ARMH3: variants seen among roughly 807,000 people sequenced by gnomAD.
ARMH3 encodes armadillo like helical domain containing 3.
A neutral mutation model predicts 99.1 loss-of-function variants in ARMH3; 60 were observed. The observed-to-expected ratio is 0.61, with a 90% CI of 0.49 to 0.75. ARMH3 has a LOEUF of 0.75. ARMH3 is among the 30% of genes least tolerant of loss of function. The pLI is 0.00. For missense variants in ARMH3, 679 were observed against 843.1 expected, an observed-to-expected ratio of 0.81 and a Z score of 2.41; for synonymous variants, 285 against 292.8, an observed-to-expected ratio of 0.97 and a Z score of 0.27.
At chr10:102,024,794 G>C (rs1399372085) in intron 6 of ARMH3, among the ~76,000 whole-genome samples, 3 of 151,574 alleles carry the variant, frequency 2.0e-5, no homozygotes, top group Non-Finnish European at 2.9e-5. Flanking sequence ...ACTCCAGCCT[G>C]GGCGACGGAG....
At chr10:101,939,744 A>C in intron 23 of ARMH3, 119 bp downstream of exon 23, 1 of 721,078 alleles carries the variant, frequency 1.4e-6, no homozygotes, top group Non-Finnish European at 2.2e-6. Context: ...TTTTTCTTCC[A>C]CTCCTACAGA....
At chr10:101,973,069 A>G (rs1246438799) in intron 20 of ARMH3, among the ~76,000 whole-genome samples, 2 of 152,230 alleles carry the variant, frequency 1.3e-5, no homozygotes, top group Non-Finnish European at 2.9e-5. Flanking sequence ...TCTCTTTCAA[A>G]GATAATCGCA....
chr10:101,868,510 T>C (rs2135352563), intron 24 of ARMH3, among the ~76,000 whole-genome samples: 1 of 152,218 alleles, frequency 6.6e-6, no homozygotes. Flanking sequence ...TGCCTCCCCT[T>C]TCCACCTCCT....
At chr10:101,971,745 AAAG>A (rs974346176) in intron 20 of ARMH3, among the ~76,000 whole-genome samples, 9 of 152,196 alleles carry the variant, frequency 5.9e-5, no homozygotes, top group African/African-American at 2.2e-4. Flanking sequence ...TTCTGAATAC[AAAG>A]ATGACTGTAG....
At chr10:102,042,418 T>C (rs1052664230) in intron 1 of ARMH3, among the ~76,000 whole-genome samples, 1 of 152,246 alleles carries the variant, frequency 6.6e-6, no homozygotes, top group Non-Finnish European at 1.5e-5. Flanking sequence ...TCACTTTCTC[T>C]ATTTCAGAAT....
intron 24 of ARMH3, among the ~76,000 whole-genome samples, chr10:101,865,731 C>T (rs1402364921): frequency 1.3e-5 from 2 of 150,994 alleles, no homozygotes; most frequent in Non-Finnish European, 2.9e-5. Flanking sequence ...TCAGATGATC[C>T]GCCCACCTCG....
intron 22 of ARMH3, among the ~76,000 whole-genome samples, chr10:101,945,510 G>A (rs981413416): frequency 6.6e-6 from 1 of 152,152 alleles, no homozygotes; most frequent in Non-Finnish European, 1.5e-5. Context: ...CTAAGGTCAG[G>A]AGTTCGAGAC....
chr10:101,930,415 G>A lies in ARMH3; in HGVS notation c.1781+9448C>T, dbSNP rs530376678. On this transcript the variant is annotated intron_variant, in intron 23 of 25. Coordinates refer to ENST00000370033, the MANE Select transcript of ARMH3 (RefSeq NM_024541.3). ...TTATTAGGTTGGTGCAAAAGTAATA[G>A]CAGTTTTGCCATTACTTTTGCACCA... Among the ~76,000 whole-genome samples, 3 of 151,708 alleles carry A rather than the reference G, an allele frequency of 2.0e-5. No individual in the cohort carries two copies. In the East Asian group the frequency reaches 5.8e-4, roughly 30 times the overall value.
chr10:102,039,979 C>T, intron 2 of ARMH3, 34 bp downstream of exon 2: 1 of 1,567,626 alleles, frequency 6.4e-7, no homozygotes, highest in African/African-American at 1.4e-5. Context: ...AAACTAAAGA[C>T]TCAAGCTGTA....
At chr10:101,997,390 G>A (rs1176406336) in intron 15 of ARMH3, among the ~76,000 whole-genome samples, 5 of 152,144 alleles carry the variant, frequency 3.3e-5, no homozygotes, top group Non-Finnish European at 5.9e-5. Flanking sequence ...TCAGGAGATC[G>A]AGACCATCCT....
intron 1 of ARMH3, among the ~76,000 whole-genome samples, chr10:102,043,786 T>C (rs756859280): frequency 2.0e-5 from 3 of 152,230 alleles, no homozygotes; most frequent in African/African-American, 7.2e-5. Flanking sequence ...TTTCACCTAC[T>C]ATCAAACTTA....
intron 23 of ARMH3, among the ~76,000 whole-genome samples, chr10:101,938,322 T>A (rs1051826025): frequency 3.3e-5 from 5 of 152,122 alleles, no homozygotes; most frequent in African/African-American, 1.2e-4. Context: ...AAGAAAGAAG[T>A]TACATGGTAA....
chr10:101,890,346 C>G (rs894406031), intron 23 of ARMH3, among the ~76,000 whole-genome samples: 1 of 152,028 alleles, frequency 6.6e-6, no homozygotes, highest in African/African-American at 2.4e-5. Flanking sequence ...CAGGCTCAAG[C>G]GATCCTCCCA....
chr10:101,903,018 T>C (rs2068018736), intron 23 of ARMH3, among the ~76,000 whole-genome samples: 2 of 152,180 alleles, frequency 1.3e-5, no homozygotes, highest in African/African-American at 4.8e-5. Flanking sequence ...AAGAGGTTAT[T>C]AGCTGCCATC....
intron 21 of ARMH3, 48 bp from the exon 22 acceptor site, chr10:101,956,771 T>C (rs1355181976): frequency 7.5e-6 from 12 of 1,590,968 alleles, no homozygotes; most frequent in Non-Finnish European, 1.0e-5. Flanking sequence ...CTATGAAGAC[T>C]AAAAATTATC....
chr10:102,047,110 A>G (rs1372866397), intron 1 of ARMH3, among the ~76,000 whole-genome samples: 1 of 152,254 alleles, frequency 6.6e-6, no homozygotes, highest in Non-Finnish European at 1.5e-5. Context: ...GTGTCTAGTC[A>G]AGTTGATAGA....
chr10:101,895,795 G>C (rs1200212791), intron 23 of ARMH3, among the ~76,000 whole-genome samples: 2 of 152,064 alleles, frequency 1.3e-5, no homozygotes, highest in African/African-American at 2.4e-5. Context: ...ACTTGTACCA[G>C]AATATATAAA....
chr10:101,975,049 T>TAAAAAAAAAAAAAAAAAAAAAAAAAGA (rs1845932319), intron 20 of ARMH3, among the ~76,000 whole-genome samples, 163 bp downstream of exon 20: 1 of 29,666 alleles, frequency 3.4e-5, no homozygotes, highest in Non-Finnish European at 6.0e-5. Context: ...AGCTAAAACG[T>TAAAAAAAAAAAAAAAAAAAAAAAAAGA]AAAAAAAAAA....
At chr10:101,921,126 T>C (rs970750266) in intron 23 of ARMH3, among the ~76,000 whole-genome samples, 3 of 152,210 alleles carry the variant, frequency 2.0e-5, no homozygotes, top group African/African-American at 7.2e-5. Context: ...GCAAATTTTA[T>C]ATTTCTTACC....
Sources: allele counts gnomAD v4.1 joint callset (sites outside exome capture counted in the v4.1 genomes callset), GRCh38; gene constraint gnomAD v4.1.1; transcripts MANE v1.5; gene names NCBI Gene and HGNC (gene_info 2026-07-23, HGNC 2026-07-21).